Variants in MAP7 observed in about 807,000 individuals in gnomAD.
MAP7 encodes ensconsin.
Under a neutral mutation model 94.8 loss-of-function variants are expected in MAP7, and 52 were observed. That is an observed-to-expected ratio of 0.55 (90% CI 0.44 to 0.69). The LOEUF (loss-of-function observed/expected upper bound fraction) is 0.69, where lower values mean the gene tolerates loss of function less well. MAP7 is among the 30% of genes least tolerant of loss of function. The pLI, the probability that MAP7 is intolerant of heterozygous loss-of-function variation, is 0.00. For missense variants in MAP7, 940 were observed against 964.6 expected (o/e 0.97, Z 0.34); for synonymous variants, 350 against 357.0 (o/e 0.98, Z 0.22).
intron 1 of MAP7, among the ~76,000 whole-genome samples, chr6:136,444,686 T>C (rs1006580745): frequency 6.6e-6 from 1 of 152,202 alleles, no homozygotes; most frequent in African/African-American, 2.4e-5. Flanking sequence ...GAGGTAAATA[T>C]TCCCTTTTAA....
chr6:136,457,798 T>A (rs755922462), intron 1 of MAP7, among the ~76,000 whole-genome samples: 3 of 151,860 alleles, frequency 2.0e-5, no homozygotes, highest in Non-Finnish European at 4.4e-5. Context: ...TAGAAGAAAA[T>A]TTCCTCAAGA....
At chr6:136,543,923 C>T (rs1829524295) in intron 1 of MAP7, among the ~76,000 whole-genome samples, 1 of 151,996 alleles carries the variant, frequency 6.6e-6, no homozygotes, top group Non-Finnish European at 1.5e-5. Flanking sequence ...TTTTTTTGCA[C>T]ACAAATTATT....
chr6:136,471,947 T>C (rs1809168158), intron 1 of MAP7, among the ~76,000 whole-genome samples: 1 of 152,120 alleles, frequency 6.6e-6, no homozygotes, highest in South Asian at 2.1e-4. Flanking sequence ...CTTTTAAATA[T>C]TTATGATTGA....
At chr6:136,483,677 C>CA (rs1269774026) in intron 1 of MAP7, among the ~76,000 whole-genome samples, 2 of 151,396 alleles carry the variant, frequency 1.3e-5, no homozygotes, top group East Asian at 1.9e-4. Flanking sequence ...CAAAACAAAA[C>CA]AAAAAAAAGT....
chr6:136,534,015 T>C (rs1330146128), intron 1 of MAP7, among the ~76,000 whole-genome samples: 2 of 152,238 alleles, frequency 1.3e-5, no homozygotes, highest in Admixed American at 1.3e-4. Context: ...ATCCTGTTTT[T>C]ACCTTCAAAA....
At chr6:136,482,409 G>A (rs1813129289) in intron 1 of MAP7, among the ~76,000 whole-genome samples, 1 of 151,856 alleles carries the variant, frequency 6.6e-6, no homozygotes, top group African/African-American at 2.4e-5. Context: ...GACCAGCCTG[G>A]ACAACATGGT....
chr6:136,550,221 G>C lies in MAP7; in HGVS notation c.67+121C>G. 1 of 852,952 alleles carries C rather than the reference G, an allele frequency of 1.2e-6. No individual in the cohort carries two copies. The highest frequency in any genetic ancestry group is 1.6e-6 in the Non-Finnish European group (1 of 644,892). 52.8% of individuals were successfully genotyped at this position (852,952 alleles called of 1,614,324 possible). On this transcript the variant is annotated intron_variant, in intron 1 of 17. Coordinates refer to ENST00000354570, the MANE Select transcript of MAP7 (RefSeq NM_003980.6). The surrounding 1 kb of genome is among the most constrained non-coding windows in gnomAD (Gnocchi z 5.1). ...GCGGCGCGCAGGGCCGGTTGTTCCG[G>C]GCCGCGGCCGCGCGGGCGGGGAGGG...
intron 3 of MAP7, among the ~76,000 whole-genome samples, chr6:136,411,129 A>T (rs891327769): frequency 2.7e-4 from 41 of 152,198 alleles, no homozygotes; most frequent in African/African-American, 9.7e-4. Context: ...TGATTATATG[A>T]CAAATATTGC....
At chr6:136,381,606 C>T (rs751841627) in intron 6 of MAP7, among the ~76,000 whole-genome samples, 1 of 152,052 alleles carries the variant, frequency 6.6e-6, no homozygotes, top group East Asian at 1.9e-4. Context: ...AAAATTCCTT[C>T]CTAGACAATA....
rs774931261 is a variant in MAP7, at chr6:136,388,485, C to T, written c.434G>A (p.Arg145His). Reference protein sequence around the residue: ...DKERHEAVVRRTMERSQKPKQ... With the variant: ...DKERHEAVVRHTMERSQKPKQ... ...TGGCTTCTGGCTCCTTTCCATTGTG[C>T]GCCGTACAACAGCTTCGTGGCGTTC... Residue 145 changes from arginine (R) to histidine (H), a missense_variant, in exon 5 of 18, where the codon CGC (arginine) becomes CAC (histidine). Physicochemically the swap from Arg to His is conservative, Grantham distance 29. Coordinates refer to ENST00000354570, the MANE Select transcript of MAP7 (RefSeq NM_003980.6). 1.3e-5 allele frequency: 21 copies of T among 1,613,948 alleles called. No individual in the cohort carries two copies. The highest frequency in any genetic ancestry group is 5.5e-5 in the South Asian group (5 of 91,074).
At chr6:136,521,496 T>C (rs1402829109) in intron 1 of MAP7, among the ~76,000 whole-genome samples, 1 of 152,058 alleles carries the variant, frequency 6.6e-6, no homozygotes, top group Non-Finnish European at 1.5e-5. Context: ...ATGAGCAAAT[T>C]TAGTATTAGA....
At position 136,440,097 on chromosome 6, in the gene MAP7, A is replaced by T. The variant is rs545665584; in HGVS notation, c.68-18298T>A. On this transcript the variant is annotated intron_variant, in intron 1 of 17. Transcript: ENST00000354570. Reference sequence around the variant, plus strand: ...CATAGCTGTGCTGCTGGGTGAGTTCACCCACAACAGAATTCTGTAGCATGA... The same window carrying T: ...CATAGCTGTGCTGCTGGGTGAGTTCTCCCACAACAGAATTCTGTAGCATGA... 1.1e-4 allele frequency among the ~76,000 whole-genome samples: 17 copies of T among 152,286 alleles called. No homozygotes were observed. In the Middle Eastern group the frequency reaches 0.014, roughly 122 times the overall value.
Position 136,366,443 on chromosome 6 carries a change from A to G in MAP7, c.877-4T>C, listed in dbSNP as rs1355610989. 6.3e-7 allele frequency: 1 copy of G among 1,590,320 alleles called. No homozygotes were observed. Among genetic ancestry groups the G allele is most frequent in the Non-Finnish European group, 8.6e-7 (1 of 1,158,510 alleles). ...TCTCTCTTTCTTTTTTATAGCTCTAAGTTCAGAGAAACTCAATAGTTAGAT... is the reference window on the plus strand; with the variant it reads ...TCTCTCTTTCTTTTTTATAGCTCTAGGTTCAGAGAAACTCAATAGTTAGAT... On this transcript the variant is annotated splice_region_variant and splice_polypyrimidine_tract_variant and intron_variant, in intron 8 of 17. Coordinates refer to ENST00000354570, the MANE Select transcript of MAP7 (RefSeq NM_003980.6).
At chr6:136,432,603 A>G (rs924592093) in intron 1 of MAP7, among the ~76,000 whole-genome samples, 4 of 152,200 alleles carry the variant, frequency 2.6e-5, no homozygotes, top group Non-Finnish European at 5.9e-5. Context: ...CTGAGCCACA[A>G]TTCTTCTCAA....
chr6:136,453,098 T>C (rs566049535), intron 1 of MAP7, among the ~76,000 whole-genome samples: 16 of 152,328 alleles, frequency 1.1e-4, no homozygotes, highest in African/African-American at 3.8e-4. Flanking sequence ...GAAGTATATA[T>C]GTTAATAAAC....
chr6:136,401,060 A>C (rs993518326), intron 3 of MAP7, among the ~76,000 whole-genome samples: 8 of 152,174 alleles, frequency 5.3e-5, no homozygotes, highest in African/African-American at 1.9e-4. Flanking sequence ...TATCAGAATG[A>C]TCTCTCAGCT....
intron 16 of MAP7, among the ~76,000 whole-genome samples, chr6:136,346,958 C>T (rs374374373): frequency 3.3e-5 from 5 of 152,160 alleles, no homozygotes; most frequent in African/African-American, 9.7e-5. Context: ...TTTTGAAGAC[C>T]GATCTTCTTA....
At chr6:136,370,627 G>T (rs1290853375) in intron 8 of MAP7, among the ~76,000 whole-genome samples, 1 of 152,154 alleles carries the variant, frequency 6.6e-6, no homozygotes, top group Non-Finnish European at 1.5e-5. Context: ...GAACCTTGAG[G>T]ACATTATGCT....
At position 136,356,777 on chromosome 6, in the gene MAP7, A is replaced by C; in HGVS notation, c.1930T>G (p.Cys644Gly). 6.2e-7 allele frequency: 1 copy of C among 1,614,080 alleles called. No individual in the cohort carries two copies. Among genetic ancestry groups the C allele is most frequent in the Non-Finnish European group, 8.5e-7 (1 of 1,179,954 alleles). Residue 644 changes from cysteine (C) to glycine (G), a missense_variant, in exon 16 of 18, where the codon TGT (cysteine) becomes GGT (glycine). Coordinates refer to ENST00000354570, the MANE Select transcript of MAP7 (RefSeq NM_003980.6). Reference sequence around the variant, plus strand: ...CCATTTCCCGGAGCGTTTGTTGTACATGGAAGTGCAGACACCTCTGGGCAT... The same window carrying C: ...CCATTTCCCGGAGCGTTTGTTGTACCTGGAAGTGCAGACACCTCTGGGCAT... The part of the protein sequence containing the change: ...TGGTEVSALP[C>G]TTNAPGNGKP...
Sources: gnomAD v4.1 joint callset for allele counts (sites outside exome capture counted in the v4.1 genomes callset) on GRCh38, gnomAD v4.1.1 for gene constraint, Gnocchi (gnomAD v3.1) non-coding constraint, MANE v1.5 for transcripts, NCBI Gene and HGNC (gene_info 2026-07-23, HGNC 2026-07-21) for gene names.